SNTG1: variants seen among roughly 807,000 people sequenced by gnomAD.
SNTG1 encodes the protein gamma-1-syntrophin.
Under a neutral mutation model 74.7 loss-of-function variants are expected in SNTG1, and 39 were observed. The observed-to-expected ratio is 0.52, with a 90% CI of 0.40 to 0.68. SNTG1 has a LOEUF of 0.68. Ranked by LOEUF, SNTG1 falls within the 30% of genes least tolerant of loss-of-function variation. The probability of loss-of-function intolerance (pLI) is 0.00; values close to 1 mark genes in which losing one functional copy is unlikely to be tolerated. For missense variants in SNTG1, 685 were observed against 609.5 expected, an observed-to-expected ratio of 1.12 and a Z score of -1.30; for synonymous variants, 254 against 217.1, an observed-to-expected ratio of 1.17 and a Z score of -1.49.
intron 2 of SNTG1, among the ~76,000 whole-genome samples, chr8:50,238,277 C>T (rs1008093636): frequency 2.6e-5 from 4 of 152,102 alleles, no homozygotes; most frequent in Non-Finnish European, 4.4e-5. Context: ...TAACATGGTA[C>T]TGATACAAAA....
At chr8:50,272,750 T>C (rs780713900) in intron 2 of SNTG1, among the ~76,000 whole-genome samples, 30 of 152,168 alleles carry the variant, frequency 2.0e-4, no homozygotes, top group Non-Finnish European at 3.7e-4. Context: ...CACTTTCTTT[T>C]TTTATAGACA....
At chr8:50,127,325 A>G (rs2081177469) in intron 1 of SNTG1, among the ~76,000 whole-genome samples, 1 of 152,184 alleles carries the variant, frequency 6.6e-6, no homozygotes, top group Non-Finnish European at 1.5e-5. Flanking sequence ...TAGGAATACT[A>G]GAGGGAATAT....
At chr8:50,701,913 C>T (rs2095427446) in intron 15 of SNTG1, among the ~76,000 whole-genome samples, 1 of 151,146 alleles carries the variant, frequency 6.6e-6, no homozygotes, top group African/African-American at 2.4e-5. Context: ...TGCAGTGGCA[C>T]AGTCTTGGCT....
At chr8:50,044,145 C>A (rs1384761106) in intron 1 of SNTG1, among the ~76,000 whole-genome samples, 4 of 152,130 alleles carry the variant, frequency 2.6e-5, no homozygotes, top group African/African-American at 7.2e-5. Flanking sequence ...TCACAGAAGT[C>A]CCTAGTTATG....
chr8:50,608,926 T>C (rs1304972584), intron 13 of SNTG1, among the ~76,000 whole-genome samples: 1 of 151,972 alleles, frequency 6.6e-6, no homozygotes, highest in Non-Finnish European at 1.5e-5. Context: ...GTGATCATAA[T>C]CCACTTCAAT....
chr8:50,365,497 T>G (rs1334843839), intron 2 of SNTG1, among the ~76,000 whole-genome samples: 1 of 152,126 alleles, frequency 6.6e-6, no homozygotes, highest in African/African-American at 2.4e-5. Context: ...AATTTGCTAG[T>G]CAAATAATAA....
Position 50,211,423 on chromosome 8 carries a change from ATTGT to A in SNTG1, c.-28+38791_-28+38794del, listed in dbSNP as rs1279528571. Among the ~76,000 whole-genome samples, 14 of 152,242 alleles carry A rather than the reference ATTGT, an allele frequency of 9.2e-5. No individual in the cohort carries two copies. In the East Asian group the frequency reaches 2.7e-3, roughly 29 times the overall value. The stretch of plus-strand genomic sequence containing the variant: ...ATTCATTTAATAATAATTGACTAAC[ATTGT>A]TTATGTACTTGGTGCCATGCATTGT... On this transcript the variant is annotated intron_variant, in intron 2 of 18. Transcript: ENST00000642720.
chr8:50,175,515 C>T (rs2082965747), intron 2 of SNTG1, among the ~76,000 whole-genome samples: 1 of 152,188 alleles, frequency 6.6e-6, no homozygotes, highest in South Asian at 2.1e-4. Context: ...TCTGGGCTAG[C>T]CATCAGTGGC....
intron 6 of SNTG1, 136 bp from the exon 7 acceptor site, chr8:50,450,420 G>A: frequency 1.2e-6 from 1 of 841,026 alleles, no homozygotes; most frequent in Non-Finnish European, 1.8e-6. Flanking sequence ...CATTTTTTGT[G>A]GATCTTTTAA....
chr8:50,776,816 T>C (rs1453102604), intron 18 of SNTG1, among the ~76,000 whole-genome samples: 1 of 151,942 alleles, frequency 6.6e-6, no homozygotes, highest in African/African-American at 2.4e-5. Context: ...GAGAATGTCT[T>C]GATTTTCCCT....
chr8:50,040,986 TC>T (rs1818590320), intron 1 of SNTG1, among the ~76,000 whole-genome samples: 1 of 152,154 alleles, frequency 6.6e-6, no homozygotes, highest in South Asian at 2.1e-4. Flanking sequence ...AACCCCCGCC[TC>T]CCAGGTTCAA....
At chr8:50,143,753 T>A (rs1209056016) in intron 1 of SNTG1, among the ~76,000 whole-genome samples, 1 of 152,178 alleles carries the variant, frequency 6.6e-6, no homozygotes, top group Non-Finnish European at 1.5e-5. Context: ...AATGGATATG[T>A]CACATATTCC....
At chr8:50,552,453 A>G (rs1421176475) in intron 11 of SNTG1, among the ~76,000 whole-genome samples, 1 of 152,184 alleles carries the variant, frequency 6.6e-6, no homozygotes, top group Non-Finnish European at 1.5e-5. Context: ...GAAATTGGCA[A>G]CATCCATGCA....
At chr8:50,601,656 A>T (rs1449999230) in intron 13 of SNTG1, among the ~76,000 whole-genome samples, 1 of 152,146 alleles carries the variant, frequency 6.6e-6, no homozygotes, top group Non-Finnish European at 1.5e-5. Context: ...AAAGTGCAAG[A>T]TTAAATATGA....
In SNTG1 at chr8:50,373,842, T is replaced by C. The variant is rs181567210; in HGVS notation, c.-27-20370T>C. Among the ~76,000 whole-genome samples, 82 of 152,338 alleles carry C rather than the reference T, an allele frequency of 5.4e-4. 1 individual carries two copies. Among genetic ancestry groups the C allele is most frequent in the Admixed American group, 4.6e-3 (71 of 15,302 alleles). On this transcript the variant is annotated intron_variant, in intron 2 of 18. Coordinates refer to ENST00000642720, the MANE Select transcript of SNTG1 (RefSeq NM_018967.5). ...AAGGCTGACTCCACACCTGTTCGCATGCCTTAGCATTGTTTGATCACCAGG... is the reference window on the plus strand; with the variant it reads ...AAGGCTGACTCCACACCTGTTCGCACGCCTTAGCATTGTTTGATCACCAGG...
At chr8:50,511,880 C>T (rs983437953) in intron 9 of SNTG1, among the ~76,000 whole-genome samples, 1 of 152,100 alleles carries the variant, frequency 6.6e-6, no homozygotes, top group African/African-American at 2.4e-5. Flanking sequence ...ATTTGCCAGT[C>T]TGTGTCTTTT....
At chr8:50,761,111 C>T (rs549646459) in intron 18 of SNTG1, among the ~76,000 whole-genome samples, 3 of 152,000 alleles carry the variant, frequency 2.0e-5, no homozygotes, top group Admixed American at 6.6e-5. Context: ...AACATTGATG[C>T]GAAAATCCTC....
intron 1 of SNTG1, among the ~76,000 whole-genome samples, chr8:49,987,575 G>A (rs12541852): frequency 0.11 from 16,549 of 151,928 alleles, 1,097 homozygotes; most frequent in South Asian, 0.22. Context: ...TGAAATTAGT[G>A]GACGCTAACA....
At chr8:50,269,582 C>T (rs982865228) in intron 2 of SNTG1, among the ~76,000 whole-genome samples, 7 of 152,066 alleles carry the variant, frequency 4.6e-5, no homozygotes, top group East Asian at 1.9e-4. Flanking sequence ...AGCAAAATTG[C>T]GTTTTAACAT....
Sources: gnomAD v4.1 joint callset for allele counts (sites outside exome capture counted in the v4.1 genomes callset) on GRCh38, gnomAD v4.1.1 for gene constraint, MANE v1.5 for transcripts, NCBI Gene and HGNC (gene_info 2026-07-23, HGNC 2026-07-21) for gene names.